IRAG1: variants seen among roughly 807,000 people sequenced by gnomAD.
IRAG1 encodes inositol 1,4,5-triphosphate receptor associated 1.
Under a neutral mutation model 106.2 loss-of-function variants are expected in IRAG1, and 62 were observed. The observed-to-expected ratio is 0.58, with a 90% CI of 0.48 to 0.72. IRAG1 has a LOEUF of 0.72. Ranked by LOEUF, IRAG1 falls within the 30% of genes least tolerant of loss-of-function variation. The pLI is 0.00. For missense variants in IRAG1, 1,064 were observed against 1,140.7 expected (o/e 0.93, Z 0.97); for synonymous variants, 462 against 443.9 (o/e 1.04, Z -0.51).
rs187342088 is a variant in IRAG1, at chr11:10,657,124, G to A, written c.68-4942C>T. 6.6e-6 allele frequency among the ~76,000 whole-genome samples: 1 copy of A among 152,244 alleles called. No homozygotes were observed. The highest frequency in any genetic ancestry group is 2.4e-5 in the African/African-American group (1 of 41,534). On this transcript the variant is annotated intron_variant, in intron 1 of 20. Transcript: ENST00000423302. This position sits in a 1 kb window ranked among gnomAD's most constrained non-coding sequence, Gnocchi z 4.1. ...TCCCAGAAAGTATAGAGCCATCATC[G>A]GGACGCACGGTTCAGGAACAGAATT...
intron 10 of IRAG1, among the ~76,000 whole-genome samples, chr11:10,615,088 G>C (rs1855291428): frequency 1.3e-5 from 2 of 151,860 alleles, no homozygotes; most frequent in Non-Finnish European, 2.9e-5. Context: ...CAAATTTACA[G>C]GAAAAAAACA....
At chr11:10,684,036 T>A (rs932232506) in intron 1 of IRAG1, among the ~76,000 whole-genome samples, 1 of 152,182 alleles carries the variant, frequency 6.6e-6, no homozygotes, top group Non-Finnish European at 1.5e-5. Flanking sequence ...AAATTGGAGG[T>A]GCATGCTAAA....
intron 10 of IRAG1, chr11:10,617,213 G>A (rs779247959): frequency 4.1e-6 from 4 of 985,148 alleles, no homozygotes; most frequent in Non-Finnish European, 4.8e-6. Context: ...CCTGGTTAAG[G>A]AGAATAAAAA....
intron 9 of IRAG1, 143 bp downstream of exon 9, chr11:10,625,823 C>T: frequency 1.2e-6 from 1 of 806,104 alleles, no homozygotes; most frequent in Non-Finnish European, 1.7e-6. Flanking sequence ...CCTGACTTCT[C>T]AGAGTGGGAA....
intron 10 of IRAG1, among the ~76,000 whole-genome samples, chr11:10,619,177 A>G (rs1468229084): frequency 1.3e-5 from 2 of 152,242 alleles, no homozygotes; most frequent in Non-Finnish European, 2.9e-5. Context: ...ACAGCATACA[A>G]TATAGTTCCT....
intron 10 of IRAG1, among the ~76,000 whole-genome samples, chr11:10,623,049 CT>C (rs1297120299): frequency 6.6e-6 from 1 of 152,160 alleles, no homozygotes; most frequent in East Asian, 1.9e-4. Flanking sequence ...TGTTCTTAGC[CT>C]GGTTTTACAT....
chr11:10,636,426 G>A (rs982349524), intron 2 of IRAG1, among the ~76,000 whole-genome samples: 10 of 152,094 alleles, frequency 6.6e-5, no homozygotes, highest in African/African-American at 2.2e-4. Context: ...ATCTTCCCAC[G>A]TCTGCCTCTG....
chr11:10,576,179 C>T lies in IRAG1; in HGVS notation c.*153G>A. ...ACATCAAGTCACTGTGTATGAATAGCTCCCACAGAAGTGCCGAGTGTTAAA... is the reference window on the plus strand; with the variant it reads ...ACATCAAGTCACTGTGTATGAATAGTTCCCACAGAAGTGCCGAGTGTTAAA... On this transcript the variant is annotated 3_prime_UTR_variant, in exon 21 of 21. Coordinates refer to ENST00000423302, the MANE Select transcript of IRAG1 (RefSeq NM_130385.4). 1.1e-6 allele frequency: 1 copy of T among 941,542 alleles called. No homozygotes were observed. Among genetic ancestry groups the T allele is most frequent in the Non-Finnish European group, 1.6e-6 (1 of 640,400 alleles). The allele number at this position is 941,542 out of a possible 1,614,324, so 58.3% of individuals were successfully genotyped here.
chr11:10,601,008 G>A lies in IRAG1; in HGVS notation c.1927C>T (p.Leu643=), dbSNP rs372056400. The change falls in exon 15 of 21, where the codon CTA becomes TTA. Residue 643 remains leucine (L), a synonymous_variant. Transcript: ENST00000423302. ...TEVMMQYVEN[L]KRTYEKDHAE... is the part of the protein sequence containing the mutation. ...TGGTCCTTCTCATACGTCCTCTTTAGATTCTCCACATACTGCATCATCACT... is the reference window on the plus strand; with the variant it reads ...TGGTCCTTCTCATACGTCCTCTTTAAATTCTCCACATACTGCATCATCACT... The A allele has an allele frequency of 3.6e-5, 58 of 1,613,948 alleles. No homozygotes were observed. The highest frequency in any genetic ancestry group is 3.3e-4 in the Middle Eastern group (2 of 6,084).
chr11:10,670,634 C>T (rs1382504746), intron 1 of IRAG1, among the ~76,000 whole-genome samples: 1 of 152,176 alleles, frequency 6.6e-6, no homozygotes, highest in Non-Finnish European at 1.5e-5. Context: ...ATGTCAAAAT[C>T]CTAACCCCCA....
chr11:10,632,182 CTTTCTTTCT>C (rs1283267658), intron 3 of IRAG1, 121 bp from the exon 4 acceptor site: 1 of 679,184 alleles, frequency 1.5e-6, no homozygotes, highest in South Asian at 1.9e-5. Flanking sequence ...TTCTTTCCTT[CTTTCTTTCT>C]TTTTTTTTTT....
At chr11:10,624,785 G>C (rs1031071094) in intron 9 of IRAG1, among the ~76,000 whole-genome samples, 2 of 152,196 alleles carry the variant, frequency 1.3e-5, no homozygotes, top group Non-Finnish European at 1.5e-5. Context: ...GTAGTGGTTA[G>C]TGACATGGGG....
At chr11:10,592,923 T>C (rs1435386960) in intron 17 of IRAG1, among the ~76,000 whole-genome samples, 1 of 152,236 alleles carries the variant, frequency 6.6e-6, no homozygotes, top group East Asian at 1.9e-4. Context: ...GTTTTGTATA[T>C]TCTATTTTAC....
At chr11:10,592,201 G>C (rs1016227305) in intron 17 of IRAG1, among the ~76,000 whole-genome samples, 6 of 152,242 alleles carry the variant, frequency 3.9e-5, no homozygotes, top group Admixed American at 2.0e-4. Context: ...TTTTAAAAAA[G>C]TATCGATCCA....
chr11:10,642,293 T>G (rs543828785), intron 2 of IRAG1, among the ~76,000 whole-genome samples: 96 of 152,356 alleles, frequency 6.3e-4, no homozygotes, highest in African/African-American at 2.2e-3. Context: ...TTTAAATGTT[T>G]ATTTCACTCA....
intron 1 of IRAG1, among the ~76,000 whole-genome samples, chr11:10,684,394 G>A (rs1861498700): frequency 6.6e-6 from 1 of 151,914 alleles, no homozygotes; most frequent in Non-Finnish European, 1.5e-5. Context: ...ACTCATAGAT[G>A]GGAATTGAAC....
At chr11:10,658,870 A>G (rs1859164809) in intron 1 of IRAG1, among the ~76,000 whole-genome samples, 2 of 145,432 alleles carry the variant, frequency 1.4e-5, no homozygotes, top group South Asian at 2.2e-4. Context: ...TGCCGTGCTC[A>G]GTCCTAGGTC....
chr11:10,670,748 T>C (rs557794168), intron 1 of IRAG1, among the ~76,000 whole-genome samples: 1 of 152,284 alleles, frequency 6.6e-6, no homozygotes, highest in African/African-American at 2.4e-5. Flanking sequence ...ACTGGTGTCC[T>C]TATAAGAAGA....
At chr11:10,669,109 T>C (rs1303273257) in intron 1 of IRAG1, among the ~76,000 whole-genome samples, 1 of 152,196 alleles carries the variant, frequency 6.6e-6, no homozygotes, top group Non-Finnish European at 1.5e-5. Context: ...GGGGGCAATT[T>C]GGTGGACCCA....
Sources: gnomAD v4.1 joint callset for allele counts (sites outside exome capture counted in the v4.1 genomes callset) on GRCh38, gnomAD v4.1.1 for gene constraint, Gnocchi (gnomAD v3.1) non-coding constraint, MANE v1.5 for transcripts, NCBI Gene and HGNC (gene_info 2026-07-23, HGNC 2026-07-21) for gene names.